The following TAB2 variants were observed in gnomAD, a reference collection of about 807,000 sequenced individuals.
The protein encoded by TAB2 is TGF-beta-activated kinase 1 and MAP3K7-binding protein 2.
Under a neutral mutation model 65.0 loss-of-function variants are expected in TAB2, and 3 were observed. The ratio of observed to expected loss-of-function variants is 0.05; its 90% confidence interval spans 0.02 to 0.12. The LOEUF (loss-of-function observed/expected upper bound fraction) is 0.12, where lower values mean the gene tolerates loss of function less well. Ranked by LOEUF, TAB2 falls within the 10% of genes least tolerant of loss-of-function variation. The pLI is 1.00. For missense variants in TAB2, 623 were observed against 840.3 expected (o/e 0.74, Z 3.20); for synonymous variants, 298 against 285.1 (o/e 1.05, Z -0.46).
intron 1 of TAB2, among the ~76,000 whole-genome samples, chr6:149,331,846 A>C (rs1441423527): frequency 6.6e-6 from 1 of 151,930 alleles, no homozygotes; most frequent in East Asian, 1.9e-4. Context: ...TTAAATATTC[A>C]CTCTGCTGTG....
chr6:149,365,093 G>T (rs945101637), intron 1 of TAB2, among the ~76,000 whole-genome samples: 1 of 152,010 alleles, frequency 6.6e-6, no homozygotes, highest in African/African-American at 2.4e-5. Flanking sequence ...TTTAGCTGGT[G>T]GAAGTTTAGA....
chr6:149,312,249 C>T (rs1203513098), intron 1 of TAB2, among the ~76,000 whole-genome samples: 1 of 152,190 alleles, frequency 6.6e-6, no homozygotes, highest in East Asian at 1.9e-4. Context: ...AGAGCATGCG[C>T]ACATAAATTA....
rs145078547 is a variant in TAB2, at chr6:149,233,283, C to A, written c.-121+14507C>A. The stretch of plus-strand genomic sequence containing the variant: ...TCTGTCATCCAGGGTCCGAGACAAA[C>A]CTCCCTCCGCTCAGTGTGCCTCCTT... On this transcript the variant is annotated intron_variant, in intron 1 of 1. Transcript: ENST00000606202. 2.3e-3 allele frequency among the ~76,000 whole-genome samples: 352 copies of A among 152,286 alleles called. 1 individual carries two copies. The highest frequency in any genetic ancestry group is 7.0e-3 in the African/African-American group (292 of 41,556).
intron 2 of TAB2, among the ~76,000 whole-genome samples, chr6:149,373,368 A>C (rs1224101581): frequency 2.0e-5 from 3 of 152,214 alleles, no homozygotes; most frequent in Non-Finnish European, 4.4e-5. Context: ...TATATGCAAC[A>C]CTTAATATTT....
chr6:149,369,846 A>C (rs1781160714), intron 1 of TAB2, 63 bp from the exon 2 acceptor site: 1 of 663,656 alleles, frequency 1.5e-6, no homozygotes, highest in African/African-American at 1.8e-5. Flanking sequence ...TGAAATTTTA[A>C]ATCCACAACA....
chr6:149,406,183 C>G (rs1348198862), intron 6 of TAB2, among the ~76,000 whole-genome samples: 2 of 152,206 alleles, frequency 1.3e-5, no homozygotes, highest in Admixed American at 6.5e-5. Context: ...ATACTCCAGA[C>G]TTACAATTTG....
At chr6:149,274,324 C>G (rs1347862471) in intron 1 of TAB2, among the ~76,000 whole-genome samples, 1 of 152,226 alleles carries the variant, frequency 6.6e-6, no homozygotes, top group African/African-American at 2.4e-5. Context: ...GAGTCACAGA[C>G]TCTACAACCA....
chr6:149,380,266 T>G (rs888406957), intron 3 of TAB2: 1 of 157,320 alleles, frequency 6.4e-6, no homozygotes, highest in Non-Finnish European at 1.4e-5. Context: ...TCTTCATTTT[T>G]CTAATACAAC....
intron 1 of TAB2, among the ~76,000 whole-genome samples, chr6:149,252,376 G>C (rs973687504): frequency 8.7e-5 from 13 of 149,562 alleles, no homozygotes; most frequent in African/African-American, 3.2e-4. Flanking sequence ...CTGCAACCTG[G>C]GCAACAAGAG....
chr6:149,361,053 G>C (rs1419508331), intron 1 of TAB2, among the ~76,000 whole-genome samples: 1 of 152,242 alleles, frequency 6.6e-6, no homozygotes, highest in Non-Finnish European at 1.5e-5. Context: ...AGTGTCTGCA[G>C]CTTTTTCTAG....
intron 3 of TAB2, among the ~76,000 whole-genome samples, chr6:149,395,483 CT>C (rs1308475355): frequency 2.6e-5 from 4 of 152,244 alleles, no homozygotes; most frequent in Admixed American, 2.6e-4. Flanking sequence ...TTTTAACTTC[CT>C]TTAGCACAGA....
At chr6:149,356,039 T>C (rs1780644353) in intron 1 of TAB2, among the ~76,000 whole-genome samples, 1 of 152,206 alleles carries the variant, frequency 6.6e-6, no homozygotes, top group South Asian at 2.1e-4. Context: ...CAAAGTGATA[T>C]ATTGGGCTTT....
At position 149,352,631 on chromosome 6, in the gene TAB2, T is replaced by C. The variant is rs561609820; in HGVS notation, c.-89-17278T>C. Among the ~76,000 whole-genome samples, 15 of 152,354 alleles carry C rather than the reference T, an allele frequency of 9.8e-5. No individual in the cohort carries two copies. The South Asian group carries it at 2.9e-3, about 29-fold the overall frequency. ...TCCTTTGACCATAGTCATCTTGGTT[T>C]TTGATTAGTCCCTTCCCTGCCTTTC... On this transcript the variant is annotated intron_variant, in intron 1 of 6. Transcript: ENST00000637181.
intron 2 of TAB2, among the ~76,000 whole-genome samples, chr6:149,372,734 TAA>T (rs1781271525): frequency 6.6e-6 from 1 of 152,184 alleles, no homozygotes; most frequent in Non-Finnish European, 1.5e-5. Flanking sequence ...TTAGCTGATA[TAA>T]CAAGAAATCT....
At position 149,379,325 on chromosome 6, in the gene TAB2, C is replaced by A. The variant is rs148036236; in HGVS notation, c.1410C>A (p.Pro470=). Residue 470 remains proline, a synonymous_variant, in exon 3 of 7, where the codon CCC becomes CCA. Transcript: ENST00000637181. ...ACACTTTCAAAATTACAGTCTCTCCCAATAAGCCCCCTGCAGTTTCACCAG... is the reference window on the plus strand; with the variant it reads ...ACACTTTCAAAATTACAGTCTCTCCAAATAAGCCCCCTGCAGTTTCACCAG... ...TKYTFKITVS[P]NKPPAVSPGV... is the part of the protein sequence containing the mutation. The A allele has an allele frequency of 1.9e-6, 3 of 1,614,094 alleles. No homozygotes were observed. The highest frequency in any genetic ancestry group is 2.5e-6 in the Non-Finnish European group (3 of 1,180,046).
At chr6:149,251,152 C>T (rs1777852670) in intron 1 of TAB2, among the ~76,000 whole-genome samples, 2 of 152,218 alleles carry the variant, frequency 1.3e-5, no homozygotes, top group African/African-American at 4.8e-5. Context: ...GATGCAGTAC[C>T]ATAATCAACC....
Position 149,317,760 on chromosome 6 carries a change from C to A in TAB2, c.-345C>A. On this transcript the variant is annotated 5_prime_UTR_variant, in exon 1 of 7. Transcript: ENST00000637181. The surrounding 1 kb of genome is among the most constrained non-coding windows in gnomAD (Gnocchi z 4.7). The stretch of plus-strand genomic sequence containing the variant: ...GCCGGCGGGGCGACCCAGCCCGACC[C>A]CCTCCCCTCCCCCTCAGCCAGGAGC... 6.2e-6 allele frequency: 1 copy of A among 161,924 alleles called. No individual in the cohort carries two copies. 10.0% of individuals were successfully genotyped at this position (161,924 alleles called of 1,614,324 possible). A position where few individuals can be genotyped will look rare whatever the true frequency, so the allele number is the denominator to read the frequency against.
chr6:149,383,732 G>A (rs1048304504), intron 3 of TAB2, among the ~76,000 whole-genome samples: 2 of 152,166 alleles, frequency 1.3e-5, no homozygotes, highest in Non-Finnish European at 2.9e-5. Context: ...ACAGGCACAT[G>A]CCACCACGCC....
intron 1 of TAB2, among the ~76,000 whole-genome samples, chr6:149,281,800 G>C (rs1200994786): frequency 6.6e-6 from 1 of 151,836 alleles, no homozygotes; most frequent in Non-Finnish European, 1.5e-5. Context: ...AAAAGGCAAA[G>C]ATTGTCAAAT....
Sources: gnomAD v4.1 joint callset for allele counts (sites outside exome capture counted in the v4.1 genomes callset) on GRCh38, gnomAD v4.1.1 for gene constraint, Gnocchi (gnomAD v3.1) non-coding constraint, MANE v1.5 for transcripts, NCBI Gene and HGNC (gene_info 2026-07-23, HGNC 2026-07-21) for gene names.